Variants in AKAP9 observed in about 807,000 individuals in gnomAD.
AKAP9 encodes the protein A-kinase anchoring protein 9, also known as A-kinase anchor protein 9.
AKAP9 carries 311 observed loss-of-function variants against 488.5 expected under a neutral mutation model. The ratio of observed to expected loss-of-function variants is 0.64; its 90% CI spans 0.58 to 0.70. AKAP9 has a LOEUF of 0.70. Ranked by LOEUF, AKAP9 falls within the 30% of genes least tolerant of loss-of-function variation. The pLI is 0.00. For missense variants in AKAP9, 4,215 were observed against 4,374.5 expected, an observed-to-expected ratio of 0.96 and a Z score of 1.03; for synonymous variants, 1,462 against 1,483.5, an observed-to-expected ratio of 0.99 and a Z score of 0.33.
At chr7:92,098,329 C>A (rs1013869262) in intron 43 of AKAP9, 115 bp downstream of exon 43, 8 of 627,276 alleles carry the variant, frequency 1.3e-5, no homozygotes, top group South Asian at 9.6e-5. Flanking sequence ...TTATTTGTAT[C>A]TTTTTATTTA....
chr7:92,068,365 C>CA (rs77237109), intron 26 of AKAP9, among the ~76,000 whole-genome samples: 3,658 of 45,280 alleles, frequency 0.081, 153 homozygotes, highest in African/African-American at 0.16. Flanking sequence ...GACTCCGTCT[C>CA]AAAAAAAAAA....
Position 92,108,502 on chromosome 7 carries a change from G to GC in AKAP9, c.11556dup (p.Thr3853HisfsTer4). ...TATTTTTAATCCTTTAGGTACCCAG[G>GC]CACTCCAGCTGATTTCAATCCTGGT... On this transcript the variant is annotated frameshift_variant, in exon 49 of 50. Coordinates refer to ENST00000356239, the MANE Select transcript of AKAP9 (RefSeq NM_005751.5). LOFTEE classifies it high-confidence loss of function. 6.2e-7 allele frequency: 1 copy of GC among 1,614,028 alleles called. No homozygotes were observed. The highest frequency in any genetic ancestry group is 8.5e-7 in the Non-Finnish European group (1 of 1,180,022).
rs1311794014 is a variant in AKAP9 at position 92,040,916 on chromosome 7, C to A, written c.4917+18C>A. On this transcript the variant is annotated intron_variant, in intron 18 of 49. Transcript: ENST00000356239. The stretch of plus-strand genomic sequence containing the variant: ...TAGCCCAGGTAAGGGTCTTGTAGTC[C>A]CCTTTCTCTCCCCAGTTATTTTTTT... The A allele has an allele frequency of 2.5e-6, 4 of 1,575,390 alleles. No individual in the cohort carries two copies. The Admixed American group carries it at 7.1e-5, about 28-fold the overall frequency.
intron 2 of AKAP9, among the ~76,000 whole-genome samples, chr7:91,979,123 G>A (rs1431921711): frequency 6.6e-6 from 1 of 151,916 alleles, no homozygotes; most frequent in Non-Finnish European, 1.5e-5. Context: ...TCATTTTAAA[G>A]AGGTACGGTA....
At chr7:92,027,086 G>A (rs1460629436) in intron 14 of AKAP9, among the ~76,000 whole-genome samples, 22 of 141,324 alleles carry the variant, frequency 1.6e-4, no homozygotes, top group African/African-American at 5.9e-4. Context: ...GAGCTTCTCT[G>A]CCCGGCTGCC....
rs1351358009 is a variant in AKAP9 at position 92,022,816 on chromosome 7, G to A, written c.3955G>A (p.Val1319Ile). 10 of 1,576,454 alleles carry A rather than the reference G, an allele frequency of 6.3e-6. No homozygotes were observed. The highest frequency in any genetic ancestry group is 2.2e-5 in the East Asian group (1 of 44,658). The change falls in exon 14 of 50, where the codon GTC (valine) becomes ATC (isoleucine). Residue 1319 changes from valine to isoleucine, a missense_variant and splice_region_variant. Physicochemically the swap from Val to Ile is conservative, Grantham distance 29. Coordinates refer to ENST00000356239, the MANE Select transcript of AKAP9 (RefSeq NM_005751.5). ...SQMTNLEDIDVNHKSKLSSLQ... is the reference protein window; with the variant it reads ...SQMTNLEDIDINHKSKLSSLQ... Reference sequence around the variant, plus strand: ...TTTTGTCTCTTTATATAACATAGATGTCAATCATAAAAGCAAGTTATCTTC... The same window carrying A: ...TTTTGTCTCTTTATATAACATAGATATCAATCATAAAAGCAAGTTATCTTC...
chr7:92,040,309 A>G (rs1805853859), intron 17 of AKAP9, among the ~76,000 whole-genome samples: 1 of 152,148 alleles, frequency 6.6e-6, no homozygotes, highest in East Asian at 1.9e-4. Flanking sequence ...TATTCCATGG[A>G]TATTATTTTC....
intron 16 of AKAP9, among the ~76,000 whole-genome samples, chr7:92,036,653 T>C (rs1231880509): frequency 3.3e-5 from 5 of 152,190 alleles, no homozygotes; most frequent in African/African-American, 1.2e-4. Flanking sequence ...TCTGTTCTTC[T>C]CTTTCATATT....
chr7:92,089,368 A>G lies in AKAP9; in HGVS notation c.9214-17A>G. The G allele has an allele frequency of 1.2e-6, 2 of 1,610,998 alleles. No homozygotes were observed. The highest frequency in any genetic ancestry group is 2.2e-5 in the South Asian group (2 of 90,932). ...TTACATTGCTCTTCACTTGTTTTTT[A>G]CCTTCCTTTGTTACAGGGTGTTGAA... On this transcript the variant is annotated splice_polypyrimidine_tract_variant and intron_variant, in intron 37 of 49. Transcript: ENST00000356239.
At chr7:92,046,383 CTGTT>C (rs1197724742) in intron 21 of AKAP9, among the ~76,000 whole-genome samples, 1 of 152,084 alleles carries the variant, frequency 6.6e-6, no homozygotes, top group Non-Finnish European at 1.5e-5. Flanking sequence ...TGAGAGAATT[CTGTT>C]TGTTAAATTT....
Position 92,099,718 on chromosome 7 carries a change from G to C in AKAP9, c.10745G>C (p.Gly3582Ala). 1 of 1,613,896 alleles carries C rather than the reference G, an allele frequency of 6.2e-7. No homozygotes were observed. Among genetic ancestry groups the C allele is most frequent in the Non-Finnish European group, 8.5e-7 (1 of 1,179,940 alleles). Residue 3582 changes from glycine (G) to alanine (A), a missense_variant, in exon 44 of 50, where the codon GGC becomes GCC. This residue lies in a region of AKAP9 where 1,476 missense variants were observed against 1,477.4 expected (regional missense o/e 1.00). Coordinates refer to ENST00000356239, the MANE Select transcript of AKAP9 (RefSeq NM_005751.5). Reference sequence around the variant, plus strand: ...TTGGTGTCCCCAAGTACTTCTTGTGGCTCATTGACTGAAAGACTACTGAGA... The same window carrying C: ...TTGGTGTCCCCAAGTACTTCTTGTGCCTCATTGACTGAAAGACTACTGAGA... The part of the protein sequence containing the change: ...PSLVSPSTSC[G>A]SLTERLLRQN...
intron 16 of AKAP9, among the ~76,000 whole-genome samples, chr7:92,038,007 AT>A (rs1805468331): frequency 6.6e-6 from 1 of 152,180 alleles, no homozygotes; most frequent in African/African-American, 2.4e-5. Context: ...TTAGAATATG[AT>A]CACGTTTTTA....
intron 3 of AKAP9, among the ~76,000 whole-genome samples, chr7:91,988,511 A>G (rs953972901): frequency 1.3e-5 from 2 of 152,096 alleles, no homozygotes; most frequent in Non-Finnish European, 2.9e-5. Flanking sequence ...GCAGTATGTA[A>G]CATTATAACT....
At chr7:92,022,103 A>G (rs1802406895) in intron 12 of AKAP9, 135 bp from the exon 13 acceptor site, 2 of 711,418 alleles carry the variant, frequency 2.8e-6, no homozygotes, top group African/African-American at 3.5e-5. Flanking sequence ...TTAGAAGGGA[A>G]AATGCTTGTA....
intron 18 of AKAP9, 63 bp downstream of exon 18, chr7:92,040,961 C>G (rs1806003105): frequency 2.2e-6 from 3 of 1,346,834 alleles, no homozygotes; most frequent in African/African-American, 3.0e-5. Flanking sequence ...CCAACTTGAA[C>G]CAGATCCCCA....
Position 92,093,290 on chromosome 7 carries a change from A to G in AKAP9, c.9552A>G (p.Lys3184=). Residue 3184 remains lysine, a synonymous_variant, in exon 39 of 50, where the codon AAA becomes AAG. Transcript: ENST00000356239. ...ELETTLKAQH[K]HLKELEAFRL... ...AAACAACACTCAAGGCACAGCATAA[A>G]CACCTAAAAGAATTGGAGGCTTTCA... 1 of 1,614,092 alleles carries G rather than the reference A, an allele frequency of 6.2e-7. No individual in the cohort carries two copies. The highest frequency in any genetic ancestry group is 8.5e-7 in the Non-Finnish European group (1 of 1,180,024).
chr7:92,033,432 C>A (rs967233621), intron 16 of AKAP9, among the ~76,000 whole-genome samples: 15 of 136,696 alleles, frequency 1.1e-4, no homozygotes, highest in South Asian at 7.0e-4. Flanking sequence ...TTTTTCTTTT[C>A]TTTTCTTTTC....
At chr7:92,066,630 T>C (rs1271647537) in intron 26 of AKAP9, 84 bp downstream of exon 26, 1 of 1,514,808 alleles carries the variant, frequency 6.6e-7, no homozygotes, top group Admixed American at 1.7e-5. Context: ...AACTTAAAAG[T>C]GGATTCTTTC....
Position 92,017,061 on chromosome 7 carries a change from G to A in AKAP9, c.3796G>A (p.Glu1266Lys), listed in dbSNP as rs1801612687. ...MHTLLNKVTE[E>K]YNKLLVLQTR... ...CACTCTTCTCAACAAAGTAACAGAA[G>A]AATACAACAAACTCTTGGTACTTCA... Residue 1266 changes from glutamate (E) to lysine (K), a missense_variant, in exon 12 of 50, where the codon GAA (glutamate) becomes AAA (lysine). Physicochemically the swap from Glu to Lys is moderately conservative, Grantham distance 56. Coordinates refer to ENST00000356239, the MANE Select transcript of AKAP9 (RefSeq NM_005751.5). 6.3e-7 allele frequency: 1 copy of A among 1,592,254 alleles called. No homozygotes were observed. The highest frequency in any genetic ancestry group is 8.6e-7 in the Non-Finnish European group (1 of 1,164,660).
Sources: gnomAD v4.1 joint callset for allele counts (sites outside exome capture counted in the v4.1 genomes callset) on GRCh38, gnomAD v4.1.1 for gene constraint, gnomAD v4.1.1 regional missense constraint, MANE v1.5 for transcripts, NCBI Gene and HGNC (gene_info 2026-07-23, HGNC 2026-07-21) for gene names.